The following PCSK2 variants were observed in gnomAD, a reference collection of about 807,000 sequenced individuals.
PCSK2 encodes neuroendocrine convertase 2.
A neutral mutation model predicts 69.7 loss-of-function variants in PCSK2; 14 were observed. That is an observed-to-expected ratio of 0.20 (90% CI 0.13 to 0.31). The LOEUF (loss-of-function observed/expected upper bound fraction) is 0.31, where lower values mean the gene tolerates loss of function less well. Ranked by LOEUF, PCSK2 falls within the 10% of genes least tolerant of loss-of-function variation. The pLI, the probability that PCSK2 is intolerant of heterozygous loss-of-function variation, is 1.00. For synonymous variants in PCSK2, 307 were observed against 320.7 expected (o/e 0.96, Z 0.46); for missense variants, 544 against 842.5 (o/e 0.65, Z 4.39).
intron 2 of PCSK2, among the ~76,000 whole-genome samples, chr20:17,270,820 A>G (rs1204966711): frequency 6.6e-6 from 1 of 152,144 alleles, no homozygotes; most frequent in Non-Finnish European, 1.5e-5. Flanking sequence ...GGAACATGAT[A>G]GAGTCCAATT....
At chr20:17,479,393 G>A (rs777012785) in intron 11 of PCSK2, 26 of 670,954 alleles carry the variant, frequency 3.9e-5, no homozygotes, top group Non-Finnish European at 6.7e-5. Context: ...CCTCAGCATT[G>A]AGGCCAACCT....
intron 5 of PCSK2, among the ~76,000 whole-genome samples, chr20:17,371,402 G>A (rs1303998537): frequency 2.0e-5 from 3 of 152,164 alleles, no homozygotes; most frequent in Non-Finnish European, 4.4e-5. Context: ...ATCTGAAATT[G>A]GAATGTGAAA....
At chr20:17,371,092 A>G (rs1249467360) in intron 5 of PCSK2, among the ~76,000 whole-genome samples, 2 of 152,150 alleles carry the variant, frequency 1.3e-5, no homozygotes, top group Non-Finnish European at 2.9e-5. Flanking sequence ...TGGGGAAACA[A>G]TCATCTTGTC....
chr20:17,436,122 A>C (rs905771428), intron 7 of PCSK2, among the ~76,000 whole-genome samples: 1 of 152,168 alleles, frequency 6.6e-6, no homozygotes, highest in African/African-American at 2.4e-5. Flanking sequence ...ACACAGAATT[A>C]CTAATACAGT....
intron 2 of PCSK2, among the ~76,000 whole-genome samples, chr20:17,347,599 C>A (rs1415405932): frequency 2.0e-5 from 3 of 151,970 alleles, no homozygotes; most frequent in African/African-American, 7.3e-5. Context: ...TCATGTAAAC[C>A]ATGGACCGTG....
chr20:17,320,124 T>C (rs983818655), intron 2 of PCSK2, among the ~76,000 whole-genome samples: 2 of 152,198 alleles, frequency 1.3e-5, no homozygotes, highest in African/African-American at 4.8e-5. Context: ...TTTTCTTATA[T>C]TATTTTCAGA....
rs1568593226 is a variant in PCSK2, at chr20:17,303,444, TATA to T, written c.282+43101_282+43103del. On this transcript the variant is annotated intron_variant, in intron 2 of 11. Coordinates refer to ENST00000262545, the MANE Select transcript of PCSK2 (RefSeq NM_002594.5). ...TATATATTTTTAATATATAATATAA[TATA>T]TATTATATTAAATATAATATATATT... 1.1e-3 allele frequency among the ~76,000 whole-genome samples: 56 copies of T among 51,500 alleles called. 2 individuals carry two copies. Among genetic ancestry groups the T allele is most frequent in the African/African-American group, 3.3e-3 (42 of 12,618 alleles). 33.8% of individuals were successfully genotyped at this position (51,500 alleles called of 152,430 possible).
chr20:17,386,118 C>T (rs1462834282), intron 5 of PCSK2, among the ~76,000 whole-genome samples: 1 of 152,098 alleles, frequency 6.6e-6, no homozygotes, highest in African/African-American at 2.4e-5. Context: ...ATCACACATC[C>T]CTATTTGTAA....
intron 1 of PCSK2, among the ~76,000 whole-genome samples, chr20:17,234,937 TC>T (rs142772124): frequency 0.028 from 4,188 of 152,256 alleles, 173 homozygotes; most frequent in African/African-American, 0.094. Context: ...ATACAAATAA[TC>T]ACGGGACAGC....
At chr20:17,398,981 C>T (rs2031576255) in intron 5 of PCSK2, among the ~76,000 whole-genome samples, 1 of 152,136 alleles carries the variant, frequency 6.6e-6, no homozygotes, top group African/African-American at 2.4e-5. Context: ...GGGCATCTTC[C>T]TCTGCAACAG....
At chr20:17,269,466 C>T (rs1413847142) in intron 2 of PCSK2, among the ~76,000 whole-genome samples, 3 of 152,146 alleles carry the variant, frequency 2.0e-5, no homozygotes, top group African/African-American at 4.8e-5. Flanking sequence ...AGTAACTTGG[C>T]CATCCCTATA....
Position 17,374,833 on chromosome 20 carries a change from T to C in PCSK2, c.543+5556T>C, listed in dbSNP as rs527908147. 7.2e-5 allele frequency among the ~76,000 whole-genome samples: 11 copies of C among 152,254 alleles called. No individual in the cohort carries two copies. In the South Asian group the frequency reaches 2.1e-3, roughly 29 times the overall value. On this transcript the variant is annotated intron_variant, in intron 5 of 11. Coordinates refer to ENST00000262545, the MANE Select transcript of PCSK2 (RefSeq NM_002594.5). ...GGTGGGGAGATAGAAGGATTCATTC[T>C]AGACAAGAAAAATAGGGCCCTGCAG...
intron 2 of PCSK2, among the ~76,000 whole-genome samples, chr20:17,282,974 G>T (rs2123049557): frequency 6.6e-6 from 1 of 152,286 alleles, no homozygotes; most frequent in African/African-American, 2.4e-5. Context: ...ATAAAGAATG[G>T]TTAGGATTGG....
chr20:17,436,762 T>C lies in PCSK2; in HGVS notation c.764T>C (p.Ile255Thr). 1 of 1,614,048 alleles carries C rather than the reference T, an allele frequency of 6.2e-7. No individual in the cohort carries two copies. Among genetic ancestry groups the C allele is most frequent in the Non-Finnish European group, 8.5e-7 (1 of 1,180,010 alleles). ...ACAGACATCATCGAGGCCTCCTCCA[T>C]CAGTCATATGCCACAGCTGATTGAC... Reference protein sequence around the residue: ...FMTDIIEASSISHMPQLIDIY... With the variant: ...FMTDIIEASSTSHMPQLIDIY... The change falls in exon 8 of 12, where the codon ATC becomes ACC. Residue 255 changes from isoleucine to threonine, a missense_variant. Ile to Thr is a moderately conservative substitution (Grantham distance 89, BLOSUM62 -1). Transcript: ENST00000262545.
chr20:17,228,634 TTA>T lies in PCSK2; in HGVS notation c.177+1154_177+1155del, dbSNP rs1392778689. ...TGAGATGAGCGGTGGGTGCTTTTGG[TTA>T]TTGGTTTTGCCTTGAAGGGCCGCGC... On this transcript the variant is annotated intron_variant, in intron 1 of 11. Transcript: ENST00000262545. 3.3e-5 allele frequency among the ~76,000 whole-genome samples: 5 copies of T among 151,734 alleles called. No homozygotes were observed. In the East Asian group the frequency reaches 9.7e-4, roughly 30 times the overall value.
At chr20:17,465,696 C>T (rs1224006524) in intron 11 of PCSK2, 143 bp downstream of exon 11, 3 of 630,044 alleles carry the variant, frequency 4.8e-6, no homozygotes, top group Non-Finnish European at 8.3e-6. Context: ...TGAGACAGGG[C>T]CTCACTTTGT....
chr20:17,347,952 GAAAGAAAGAGAA>G (rs766871741), intron 2 of PCSK2, among the ~76,000 whole-genome samples: 1,197 of 58,212 alleles, frequency 0.021, 109 homozygotes, highest in East Asian at 0.05. Flanking sequence ...AAGAAAGAAA[GAAAGAAAGAGAA>G]AGAAAGAAAG....
intron 2 of PCSK2, among the ~76,000 whole-genome samples, chr20:17,350,587 G>T (rs552273406): frequency 1.2e-3 from 189 of 152,248 alleles, no homozygotes; most frequent in African/African-American, 4.4e-3. Context: ...CTGGAAGATT[G>T]ACTGTGTTAT....
At chr20:17,250,679 C>A (rs1409663182) in intron 1 of PCSK2, among the ~76,000 whole-genome samples, 3 of 152,106 alleles carry the variant, frequency 2.0e-5, no homozygotes, top group African/African-American at 7.2e-5. Flanking sequence ...GTTTTCCCTG[C>A]ACCTCAGTTT....
Sources: gnomAD v4.1 joint callset for allele counts (sites outside exome capture counted in the v4.1 genomes callset) on GRCh38, gnomAD v4.1.1 for gene constraint, MANE v1.5 for transcripts, NCBI Gene and HGNC (gene_info 2026-07-23, HGNC 2026-07-21) for gene names.